Variants in POLN observed in about 807,000 individuals in gnomAD.
The protein encoded by POLN is DNA polymerase N.
A neutral mutation model predicts 113.5 loss-of-function variants in POLN; 108 were observed. That is an observed-to-expected ratio of 0.95 (90% CI 0.81 to 1.12). The LOEUF is 1.12. POLN is among the 50% of genes most tolerant of loss of function. The pLI is 0.00. For synonymous variants in POLN, 386 were observed against 391.5 expected, an observed-to-expected ratio of 0.99 and a Z score of 0.17; for missense variants, 1,097 against 1,077.1, an observed-to-expected ratio of 1.02 and a Z score of -0.26.
At chr4:2,202,364 G>C (rs1733738441) in intron 5 of POLN, among the ~76,000 whole-genome samples, 1 of 152,126 alleles carries the variant, frequency 6.6e-6, no homozygotes, top group Non-Finnish European at 1.5e-5. Flanking sequence ...TCCATGCAAA[G>C]GGAGACCAAA....
intron 19 of POLN, among the ~76,000 whole-genome samples, chr4:2,118,859 G>C (rs1432766036): frequency 1.3e-5 from 2 of 152,202 alleles, no homozygotes; most frequent in Non-Finnish European, 1.5e-5. Context: ...CAAGATGATG[G>C]AGCAACCTCT....
chr4:2,188,000 C>T (rs530862973), intron 7 of POLN, among the ~76,000 whole-genome samples: 4 of 152,174 alleles, frequency 2.6e-5, no homozygotes, highest in South Asian at 2.1e-4. Context: ...CCTATAGTCC[C>T]GACTACTTGG....
In POLN at chr4:2,072,296, G is replaced by A. The variant is rs757179561; in HGVS notation, c.2521C>T (p.Pro841Ser). Residue 841 changes from proline (P) to serine (S), a missense_variant, in exon 26 of 26, where the codon CCC (proline) becomes TCC (serine). Transcript: ENST00000511885. ...VQALELQLQV[P>S]LKVSLSAGRS... ...CCGGCACTCAGGCTCACCTTGAGGG[G>A]TACCTGCAGGTGGCAGCCAGAGGTG... The A allele has an allele frequency of 3.2e-6, 5 of 1,564,728 alleles. No homozygotes were observed. Among genetic ancestry groups the A allele is most frequent in the African/African-American group, 2.8e-5 (2 of 72,506 alleles).
At chr4:2,130,291 AGAGGGGAGGG>A (rs540715229) in intron 17 of POLN, among the ~76,000 whole-genome samples, 1 of 53,278 alleles carries the variant, frequency 1.9e-5, no homozygotes, top group African/African-American at 7.3e-5. Flanking sequence ...AGAGGGGAGG[AGAGGGGAGGG>A]GAGGGGAGGG....
At chr4:2,091,761 C>G (rs1730667579) in intron 20 of POLN, among the ~76,000 whole-genome samples, 1 of 145,096 alleles carries the variant, frequency 6.9e-6, no homozygotes, top group South Asian at 2.3e-4. Flanking sequence ...ACACGTGAAT[C>G]TGTGTGTGTG....
intron 13 of POLN, among the ~76,000 whole-genome samples, chr4:2,159,454 AT>A (rs1732523174): frequency 6.6e-6 from 1 of 152,216 alleles, no homozygotes; most frequent in African/African-American, 2.4e-5. Context: ...TCCTCTTGAG[AT>A]TTAAGTTAGC....
chr4:2,090,203 T>C (rs1730633565), intron 20 of POLN: 3 of 840,062 alleles, frequency 3.6e-6, no homozygotes, highest in East Asian at 2.5e-5. Flanking sequence ...CTATCTTTCC[T>C]GTAGATACTC....
intron 7 of POLN, among the ~76,000 whole-genome samples, chr4:2,182,275 T>C (rs1010017010): frequency 1.3e-5 from 2 of 152,190 alleles, no homozygotes; most frequent in African/African-American, 2.4e-5. Context: ...GATACAATTA[T>C]GGTAGGAATC....
At position 2,126,493 on chromosome 4, in the gene POLN, G is replaced by A. The variant is rs1167807049; in HGVS notation, c.1982+1620C>T. On this transcript the variant is annotated intron_variant, in intron 19 of 25. Transcript: ENST00000511885. The surrounding 1 kb of genome is among the most constrained non-coding windows in gnomAD (Gnocchi z 4.6). ...GGGTGGATGAGGTCTCGGCCCCTGG[G>A]CGCTGTCGCTGCAGCAGGATGGACA... 6.6e-6 allele frequency among the ~76,000 whole-genome samples: 1 copy of A among 152,198 alleles called. No homozygotes were observed. Among genetic ancestry groups the A allele is most frequent in the Non-Finnish European group, 1.5e-5 (1 of 68,036 alleles).
intron 19 of POLN, among the ~76,000 whole-genome samples, chr4:2,105,508 A>G (rs988087702): frequency 2.0e-5 from 3 of 152,190 alleles, no homozygotes; most frequent in Non-Finnish European, 2.9e-5. Flanking sequence ...TATAAGAAAA[A>G]AGAGATCAGG....
intron 16 of POLN, among the ~76,000 whole-genome samples, chr4:2,147,811 T>A (rs899871143): frequency 1.3e-5 from 2 of 151,950 alleles, no homozygotes; most frequent in African/African-American, 2.4e-5. Flanking sequence ...CCCAGCTAAT[T>A]TTTGAATTTT....
chr4:2,168,525 G>A (rs930442783), intron 13 of POLN, among the ~76,000 whole-genome samples: 1 of 152,236 alleles, frequency 6.6e-6, no homozygotes, highest in Non-Finnish European at 1.5e-5. Flanking sequence ...TGAGCTCCTC[G>A]TGAAAGCTGT....
At chr4:2,188,983 T>G (rs1002677213) in intron 7 of POLN, among the ~76,000 whole-genome samples, 1 of 136,784 alleles carries the variant, frequency 7.3e-6, no homozygotes. Flanking sequence ...TTAAAACAAC[T>G]TGTTATAACT....
chr4:2,176,162 C>T lies in POLN; in HGVS notation c.1248+104G>A, dbSNP rs114126342. ...AGGTTAATTTGTTCTTAGAACTCAA[C>T]GTTTCGTTTCCTTCACATTCAAACT... On this transcript the variant is annotated intron_variant, in intron 9 of 25. Transcript: ENST00000511885. 1.0e-3 allele frequency: 916 copies of T among 876,620 alleles called. 10 individuals are homozygous for T. The African/African-American group carries it at 0.013, about 13-fold the overall frequency. The allele number at this position is 876,620 out of a possible 1,614,324, so 54.3% of individuals were successfully genotyped here.
chr4:2,148,860 T>C (rs1182807985), intron 16 of POLN, among the ~76,000 whole-genome samples: 1 of 152,138 alleles, frequency 6.6e-6, no homozygotes, highest in Non-Finnish European at 1.5e-5. Context: ...TATGTGAAGA[T>C]AGTGATGAAA....
intron 16 of POLN, chr4:2,139,983 G>C (rs916427045): frequency 6.6e-6 from 1 of 152,074 alleles, no homozygotes; most frequent in Admixed American, 6.5e-5. Flanking sequence ...CTGGGGTTCT[G>C]GAAAACAGAA....
At chr4:2,111,465 T>C (rs931577587) in intron 19 of POLN, among the ~76,000 whole-genome samples, 5 of 152,216 alleles carry the variant, frequency 3.3e-5, no homozygotes, top group Non-Finnish European at 7.3e-5. Flanking sequence ...TGTTTGCAGA[T>C]GACATGATTG....
chr4:2,080,327 G>A (rs1036554402), intron 23 of POLN: 1 of 1,008,138 alleles, frequency 9.9e-7, no homozygotes, highest in African/African-American at 1.8e-5. Context: ...CAGGGACAGA[G>A]GCCTGAGAGA....
intron 2 of POLN, among the ~76,000 whole-genome samples, chr4:2,233,585 T>C (rs1734657226): frequency 6.6e-6 from 1 of 152,090 alleles, no homozygotes; most frequent in Non-Finnish European, 1.5e-5. Flanking sequence ...CAACTCTGAG[T>C]CAAAAAATAA....
Sources: allele counts gnomAD v4.1 joint callset (sites outside exome capture counted in the v4.1 genomes callset), GRCh38; gene constraint gnomAD v4.1.1; non-coding constraint Gnocchi (gnomAD v3.1); transcripts MANE v1.5; gene names NCBI Gene and HGNC (gene_info 2026-07-23, HGNC 2026-07-21).